PTBP3: variants seen among roughly 807,000 people sequenced by gnomAD.
PTBP3 encodes the protein polypyrimidine tract-binding protein 3.
In PTBP3, 20 loss-of-function variants were observed where a neutral mutation model predicts 58.7. The ratio of observed to expected loss-of-function variants is 0.34; its 90% CI spans 0.24 to 0.50. The LOEUF (loss-of-function observed/expected upper bound fraction) is 0.50, where lower values mean the gene tolerates loss of function less well. Ranked by LOEUF, PTBP3 falls within the 20% of genes least tolerant of loss-of-function variation. The pLI is 0.98. For missense variants in PTBP3, 509 were observed against 637.2 expected, an observed-to-expected ratio of 0.80 and a Z score of 2.17; for synonymous variants, 185 against 219.8, an observed-to-expected ratio of 0.84 and a Z score of 1.40.
At chr9:112,295,622 AAG>A (rs1159884339) in intron 2 of PTBP3, among the ~76,000 whole-genome samples, 1 of 151,432 alleles carries the variant, frequency 6.6e-6, no homozygotes, top group Non-Finnish European at 1.5e-5. Flanking sequence ...AAAAAAAAAA[AAG>A]AATAGCATTG....
At chr9:112,276,808 GAA>G (rs1827630552) in intron 2 of PTBP3, among the ~76,000 whole-genome samples, 2 of 152,214 alleles carry the variant, frequency 1.3e-5, no homozygotes, top group African/African-American at 4.8e-5. Context: ...AGAATAACTA[GAA>G]TTGACAAGCC....
chr9:112,264,223 G>GA (rs1836710265), intron 4 of PTBP3, among the ~76,000 whole-genome samples: 1 of 152,084 alleles, frequency 6.6e-6, no homozygotes, highest in African/African-American at 2.4e-5. Flanking sequence ...TTGAGAAGAA[G>GA]AAAATTAACA....
intron 1 of PTBP3, among the ~76,000 whole-genome samples, chr9:112,326,351 CACT>C (rs1357872171): frequency 2.0e-5 from 3 of 152,324 alleles, no homozygotes; most frequent in Non-Finnish European, 4.4e-5. Context: ...TTGCAGTCTC[CACT>C]ACAACTACGA....
chr9:112,264,516 A>G (rs772343773), intron 4 of PTBP3, among the ~76,000 whole-genome samples: 4 of 152,228 alleles, frequency 2.6e-5, no homozygotes, highest in Non-Finnish European at 5.9e-5. Context: ...AGTAAAGTGC[A>G]TATTTTGGGA....
chr9:112,368,526 GCTTTT>G, the PTBP3 span, among the ~76,000 whole-genome samples: 2 of 17,274 alleles, frequency 1.2e-4, no homozygotes, highest in Non-Finnish European at 2.0e-4. Flanking sequence ...TCAAATCTTG[GCTTTT>G]TTTTTTTAAG....
At chr9:112,253,905 A>C (rs1239772067) in intron 5 of PTBP3, among the ~76,000 whole-genome samples, 1 of 152,174 alleles carries the variant, frequency 6.6e-6, no homozygotes, top group East Asian at 1.9e-4. Flanking sequence ...AGTCTCAGGG[A>C]GTATCTTTAT....
At chr9:112,333,331 G>A (rs2132506693) in intron 1 of PTBP3, 139 bp downstream of exon 1, 1 of 1,085,802 alleles carries the variant, frequency 9.2e-7, no homozygotes, top group Non-Finnish European at 1.2e-6. Context: ...CGGAAGCCCC[G>A]CCGTCGGGCT....
chr9:112,262,987 C>G (rs1836660584), intron 4 of PTBP3, among the ~76,000 whole-genome samples: 1 of 152,118 alleles, frequency 6.6e-6, no homozygotes, highest in Admixed American at 6.5e-5. Context: ...TAAATATTCT[C>G]CACTAAAAGA....
chr9:112,290,739 A>ACACAC (rs1398984829), intron 2 of PTBP3, among the ~76,000 whole-genome samples: 1 of 93,728 alleles, frequency 1.1e-5, no homozygotes, highest in East Asian at 3.0e-4. Context: ...CACACACACA[A>ACACAC]TCAAGTGTTG....
intron 7 of PTBP3, among the ~76,000 whole-genome samples, chr9:112,248,491 G>A (rs1243814560): frequency 1.3e-5 from 2 of 151,934 alleles, no homozygotes; most frequent in Non-Finnish European, 2.9e-5. Context: ...GAACTTATTC[G>A]TGTAATAAAT....
chr9:112,262,641 G>A (rs374513118), intron 4 of PTBP3, 42 bp from the exon 5 acceptor site: 183 of 1,487,904 alleles, frequency 1.2e-4, no homozygotes, highest in African/African-American at 6.7e-4. Context: ...TTATACAGAC[G>A]CATTATATGA....
chr9:112,295,319 G>A (rs565311736), intron 2 of PTBP3, among the ~76,000 whole-genome samples: 2 of 151,664 alleles, frequency 1.3e-5, no homozygotes, highest in African/African-American at 4.8e-5. Flanking sequence ...GATCTGGAAT[G>A]GTGACAATGT....
At chr9:112,246,421 G>A (rs532377314) in intron 7 of PTBP3, among the ~76,000 whole-genome samples, 29 of 152,210 alleles carry the variant, frequency 1.9e-4, no homozygotes, top group African/African-American at 2.9e-4. Context: ...TAGGACAGGC[G>A]CGGTGGCTCA....
chr9:112,289,654 T>C (rs1195981445), intron 2 of PTBP3, among the ~76,000 whole-genome samples: 3 of 152,134 alleles, frequency 2.0e-5, no homozygotes, highest in Non-Finnish European at 4.4e-5. Context: ...TGGTGGCATG[T>C]GCCCATGGTC....
At chr9:112,246,558 T>C (rs931742342) in intron 7 of PTBP3, among the ~76,000 whole-genome samples, 4 of 151,600 alleles carry the variant, frequency 2.6e-5, no homozygotes, top group African/African-American at 4.8e-5. Flanking sequence ...CCGGGCATAG[T>C]GGCGGGCACC....
chr9:112,234,939 T>G, intron 7 of PTBP3, 42 bp from the exon 8 acceptor site: 1 of 1,494,378 alleles, frequency 6.7e-7, no homozygotes, highest in Non-Finnish European at 9.3e-7. Flanking sequence ...CTACCTTCTA[T>G]AAATATCGTT....
intron 11 of PTBP3, 122 bp downstream of exon 11, chr9:112,228,258 G>T: frequency 1.6e-6 from 1 of 606,988 alleles, no homozygotes; most frequent in Non-Finnish European, 2.8e-6. Flanking sequence ...AATAATGAAG[G>T]CATTATCACA....
chr9:112,259,603 C>T (rs1836509214), intron 5 of PTBP3, among the ~76,000 whole-genome samples: 2 of 152,180 alleles, frequency 1.3e-5, no homozygotes, highest in African/African-American at 2.4e-5. Context: ...CAAAGACTTT[C>T]CCTAACTTCC....
chr9:112,358,944 C>T, the PTBP3 span, among the ~76,000 whole-genome samples: 4 of 152,128 alleles, frequency 2.6e-5, no homozygotes, highest in Non-Finnish European at 5.9e-5. Context: ...AAGCGATCCT[C>T]CCACCTCAAT....
Sources: gnomAD v4.1 joint callset for allele counts (sites outside exome capture counted in the v4.1 genomes callset) on GRCh38, gnomAD v4.1.1 for gene constraint, MANE v1.5 for transcripts, NCBI Gene and HGNC (gene_info 2026-07-23, HGNC 2026-07-21) for gene names.